GLRX3: variants seen among roughly 807,000 people sequenced by gnomAD.
The protein encoded by GLRX3 is glutaredoxin-3.
A neutral mutation model predicts 49.5 loss-of-function variants in GLRX3; 22 were observed. The ratio of observed to expected loss-of-function variants is 0.44; its 90% CI spans 0.32 to 0.63. The LOEUF (loss-of-function observed/expected upper bound fraction) is 0.63. Ranked by LOEUF, GLRX3 falls within the 30% of genes least tolerant of loss-of-function variation. The pLI is 0.05. For synonymous variants in GLRX3, 133 were observed against 140.0 expected (o/e 0.95, Z 0.35); for missense variants, 385 against 396.3 (o/e 0.97, Z 0.24).
intron 6 of GLRX3, among the ~76,000 whole-genome samples, 169 bp downstream of exon 6, chr10:130,167,149 G>A (rs1862708260): frequency 6.6e-6 from 1 of 152,204 alleles, no homozygotes; most frequent in Non-Finnish European, 1.5e-5. Flanking sequence ...AATCTAATTT[G>A]TATTGGAGAA....
chr10:130,138,530 A>T (rs1018587157), intron 1 of GLRX3, among the ~76,000 whole-genome samples: 15 of 152,328 alleles, frequency 9.8e-5, no homozygotes, highest in Middle Eastern at 6.8e-3. Flanking sequence ...TGATGAAATT[A>T]AAGTGTTATT....
At chr10:130,167,781 T>A (rs2134915431) in intron 6 of GLRX3, among the ~76,000 whole-genome samples, 1 of 152,286 alleles carries the variant, frequency 6.6e-6, no homozygotes. Context: ...AATTAATAAT[T>A]TCTATAAACA....
chr10:130,151,954 C>T (rs1320019013), intron 2 of GLRX3, among the ~76,000 whole-genome samples: 1 of 152,094 alleles, frequency 6.6e-6, no homozygotes, highest in East Asian at 1.9e-4. Context: ...ATTTGCCAGG[C>T]TGTGTCTTTT....
chr10:130,178,234 G>A (rs558556984), intron 10 of GLRX3, among the ~76,000 whole-genome samples: 6 of 152,140 alleles, frequency 3.9e-5, no homozygotes, highest in East Asian at 3.9e-4. Flanking sequence ...GACTTTTAAC[G>A]TCACACTGCT....
intron 1 of GLRX3, among the ~76,000 whole-genome samples, chr10:130,138,184 G>C (rs1022541928): frequency 6.6e-6 from 1 of 152,140 alleles, no homozygotes; most frequent in African/African-American, 2.4e-5. Context: ...AGCCTCCTGA[G>C]TATCTGGGAC....
chr10:130,178,022 A>T (rs1008578795), intron 10 of GLRX3, among the ~76,000 whole-genome samples: 2 of 152,164 alleles, frequency 1.3e-5, no homozygotes, highest in African/African-American at 4.8e-5. Context: ...CTGCAGTTCC[A>T]GTCAACCTGG....
At chr10:130,148,563 A>G (rs770129290) in intron 2 of GLRX3, among the ~76,000 whole-genome samples, 4 of 150,486 alleles carry the variant, frequency 2.7e-5, no homozygotes, top group African/African-American at 4.9e-5. Flanking sequence ...CATACACTAG[A>G]TATTTTTAAA....
intron 4 of GLRX3, among the ~76,000 whole-genome samples, chr10:130,166,196 A>G (rs1461209403): frequency 1.3e-5 from 2 of 151,902 alleles, no homozygotes; most frequent in Non-Finnish European, 2.9e-5. Context: ...TCCTGTGACA[A>G]AAAATGTCCA....
At chr10:130,153,976 T>C (rs1363974127) in intron 2 of GLRX3, among the ~76,000 whole-genome samples, 2 of 152,202 alleles carry the variant, frequency 1.3e-5, no homozygotes, top group African/African-American at 4.8e-5. Flanking sequence ...CCACTTTGTT[T>C]ACACTGTGAG....
chr10:130,144,916 C>T (rs1032498378), intron 1 of GLRX3, among the ~76,000 whole-genome samples: 6 of 152,204 alleles, frequency 3.9e-5, no homozygotes, highest in Admixed American at 6.5e-5. Flanking sequence ...CTAATTTACA[C>T]TCCCACCAAC....
In GLRX3 at chr10:130,179,636, C is replaced by T; in HGVS notation, c.*244C>T. 2 of 451,552 alleles carry T rather than the reference C, an allele frequency of 4.4e-6. No homozygotes were observed. Among genetic ancestry groups the T allele is most frequent in the Non-Finnish European group, 8.0e-6 (2 of 250,994 alleles). The allele number at this position is 451,552 out of a possible 1,614,324, so 28.0% of individuals were successfully genotyped here. ...ATTGTATGAAAAAAGTGTATCTTTACAGCAGTATTAAACATACAGCTACTA... is the reference window on the plus strand; with the variant it reads ...ATTGTATGAAAAAAGTGTATCTTTATAGCAGTATTAAACATACAGCTACTA... On this transcript the variant is annotated 3_prime_UTR_variant, in exon 11 of 11. Coordinates refer to ENST00000331244, the MANE Select transcript of GLRX3 (RefSeq NM_006541.5).
intron 1 of GLRX3, among the ~76,000 whole-genome samples, chr10:130,141,798 G>C (rs928908166): frequency 6.6e-6 from 1 of 152,058 alleles, no homozygotes; most frequent in African/African-American, 2.4e-5. Context: ...CCTCTGTTTT[G>C]TTCTTGCCAT....
intron 4 of GLRX3, 134 bp downstream of exon 4, chr10:130,161,131 A>G: frequency 1.5e-6 from 1 of 646,972 alleles, no homozygotes; most frequent in Non-Finnish European, 2.7e-6. Flanking sequence ...CTTTTAGAAA[A>G]TCAAAAAGGT....
Position 130,145,270 on chromosome 10 carries a change from A to G in GLRX3, c.152A>G (p.Glu51Gly). 1 of 1,578,612 alleles carries G rather than the reference A, an allele frequency of 6.3e-7. No homozygotes were observed. Among genetic ancestry groups the G allele is most frequent in the Non-Finnish European group, 8.7e-7 (1 of 1,148,232 alleles). ...GCTCCACAGTGTGCACAGATGAACGAAGTTATGGCAGAGTTAGCTAAAGAA... is the reference window on the plus strand; with the variant it reads ...GCTCCACAGTGTGCACAGATGAACGGAGTTATGGCAGAGTTAGCTAAAGAA... Reference protein sequence around the residue: ...PWAPQCAQMNEVMAELAKELP... With the variant: ...PWAPQCAQMNGVMAELAKELP... The change falls in exon 2 of 11, where the codon GAA (glutamate) becomes GGA (glycine). Residue 51 changes from glutamate to glycine, a missense_variant. This residue lies in a region of GLRX3 where 374 missense variants were observed against 358.6 expected (regional missense o/e 1.04). Coordinates refer to ENST00000331244, the MANE Select transcript of GLRX3 (RefSeq NM_006541.5).
intron 1 of GLRX3, among the ~76,000 whole-genome samples, chr10:130,144,767 T>G (rs1323173034): frequency 6.6e-6 from 1 of 152,248 alleles, no homozygotes; most frequent in Non-Finnish European, 1.5e-5. Context: ...TGCAATAACA[T>G]AATGTGTGCA....
chr10:130,169,075 A>G (rs1052433385), intron 6 of GLRX3, among the ~76,000 whole-genome samples: 1 of 152,150 alleles, frequency 6.6e-6, no homozygotes, highest in African/African-American at 2.4e-5. Flanking sequence ...ATGATGGAAG[A>G]TGGTGCACAC....
chr10:130,158,236 G>A (rs1439787273), intron 2 of GLRX3, among the ~76,000 whole-genome samples: 7 of 150,096 alleles, frequency 4.7e-5, no homozygotes, highest in East Asian at 3.9e-4. Context: ...TTTTTGAGAC[G>A]GAGTTTTGCT....
intron 2 of GLRX3, among the ~76,000 whole-genome samples, chr10:130,146,777 A>G (rs1381735310): frequency 1.3e-5 from 2 of 152,264 alleles, no homozygotes; most frequent in East Asian, 1.9e-4. Flanking sequence ...GGGATTAAAA[A>G]TAACATCAAC....
intron 2 of GLRX3, among the ~76,000 whole-genome samples, chr10:130,157,372 C>T (rs1208543691): frequency 2.8e-5 from 4 of 145,352 alleles, no homozygotes; most frequent in East Asian, 2.1e-4. Context: ...TGGGGGTGTG[C>T]GGAGGAGAGG....
Sources: gnomAD v4.1 joint callset for allele counts (sites outside exome capture counted in the v4.1 genomes callset) on GRCh38, gnomAD v4.1.1 for gene constraint, gnomAD v4.1.1 regional missense constraint, MANE v1.5 for transcripts, NCBI Gene and HGNC (gene_info 2026-07-23, HGNC 2026-07-21) for gene names.